Variants in CSMD1 observed in about 807,000 individuals in gnomAD.
CSMD1 encodes the protein CUB and Sushi multiple domains 1, also known as CUB and sushi domain-containing protein 1.
A neutral mutation model predicts 417.5 loss-of-function variants in CSMD1; 213 were observed. That is an observed-to-expected ratio of 0.51 (90% confidence interval 0.46 to 0.57). The LOEUF is 0.57. Among genes scored for constraint, CSMD1 ranks in the 20% least tolerant of loss-of-function variants. The pLI, the probability that CSMD1 is intolerant of heterozygous loss-of-function variation, is 0.00. For missense variants in CSMD1, 6,923 were observed against 4,529.7 expected, an observed-to-expected ratio of 1.53 and a Z score of -15.17; for synonymous variants, 2,862 against 1,736.8, an observed-to-expected ratio of 1.65 and a Z score of -16.11.
At chr8:3,789,090 G>T (rs980451296) in intron 5 of CSMD1, among the ~76,000 whole-genome samples, 1 of 152,148 alleles carries the variant, frequency 6.6e-6, no homozygotes, top group Admixed American at 6.5e-5. Context: ...ACCAACATGG[G>T]GGGATTAGGT....
chr8:4,963,053 C>G (rs1809611607), intron 1 of CSMD1, among the ~76,000 whole-genome samples: 1 of 152,156 alleles, frequency 6.6e-6, no homozygotes, highest in African/African-American at 2.4e-5. Context: ...CTGCATGGAA[C>G]TGCACCCAGG....
intron 2 of CSMD1, among the ~76,000 whole-genome samples, chr8:4,584,678 G>C (rs900464922): frequency 7.9e-5 from 12 of 152,190 alleles, no homozygotes; most frequent in African/African-American, 2.6e-4. Flanking sequence ...ACTCTCAAAA[G>C]CATGTCGCCC....
At chr8:2,956,397 T>C (rs890443449) in intron 63 of CSMD1, among the ~76,000 whole-genome samples, 1 of 152,000 alleles carries the variant, frequency 6.6e-6, no homozygotes, top group Non-Finnish European at 1.5e-5. Flanking sequence ...ATGCTGCAAA[T>C]AAAGGATTGA....
At chr8:3,898,994 G>C (rs555570888) in intron 5 of CSMD1, among the ~76,000 whole-genome samples, 76 of 152,248 alleles carry the variant, frequency 5.0e-4, no homozygotes, top group African/African-American at 1.8e-3. Context: ...ATATTTCAGT[G>C]CTAAAATATG....
At chr8:3,768,990 C>G (rs551365149) in intron 5 of CSMD1, among the ~76,000 whole-genome samples, 1 of 152,362 alleles carries the variant, frequency 6.6e-6, no homozygotes, top group South Asian at 2.1e-4. Context: ...GATTCCCGCA[C>G]AGCAGGCCCA....
At chr8:4,739,213 G>C (rs537214000) in intron 1 of CSMD1, among the ~76,000 whole-genome samples, 1 of 152,214 alleles carries the variant, frequency 6.6e-6, no homozygotes, top group South Asian at 2.1e-4. Context: ...ATCTATTAAA[G>C]CAATCCTATG....
intron 1 of CSMD1, among the ~76,000 whole-genome samples, chr8:4,962,144 C>A (rs1308540790): frequency 6.7e-6 from 1 of 148,514 alleles, no homozygotes; most frequent in African/African-American, 2.5e-5. Context: ...GCTTTTACAA[C>A]TATCCAGTGA....
intron 1 of CSMD1, among the ~76,000 whole-genome samples, chr8:4,828,633 G>A (rs908758610): frequency 4.6e-5 from 7 of 152,216 alleles, no homozygotes; most frequent in Middle Eastern, 3.4e-3. Flanking sequence ...CTTTAAAACT[G>A]AGAACGTTAC....
intron 8 of CSMD1, among the ~76,000 whole-genome samples, chr8:3,598,793 T>C (rs897025266): frequency 8.5e-5 from 13 of 152,066 alleles, no homozygotes; most frequent in African/African-American, 2.9e-4. Context: ...ACAGAAAAGC[T>C]GAAATTGGGC....
At chr8:4,181,472 T>TA in intron 3 of CSMD1, among the ~76,000 whole-genome samples, 1 of 152,100 alleles carries the variant, frequency 6.6e-6, no homozygotes, top group South Asian at 2.1e-4. Flanking sequence ...GAAAATACAC[T>TA]AACACTAACG....
At chr8:3,491,299 T>A (rs1177592292) in intron 11 of CSMD1, among the ~76,000 whole-genome samples, 1 of 152,160 alleles carries the variant, frequency 6.6e-6, no homozygotes, top group African/African-American at 2.4e-5. Context: ...CTGGGGTAAA[T>A]CCTTTAACCT....
chr8:4,821,358 T>C (rs1799513933), intron 1 of CSMD1, among the ~76,000 whole-genome samples: 1 of 152,150 alleles, frequency 6.6e-6, no homozygotes, highest in African/African-American at 2.4e-5. Context: ...AATAGTTAAA[T>C]AGCTCCAAAG....
intron 54 of CSMD1, among the ~76,000 whole-genome samples, chr8:2,983,625 G>A (rs568560468): frequency 6.6e-6 from 1 of 152,242 alleles, no homozygotes; most frequent in Non-Finnish European, 1.5e-5. Context: ...TCCAAAATTT[G>A]GCAAAAAATT....
At chr8:3,985,318 CAT>C (rs1814236235) in intron 5 of CSMD1, among the ~76,000 whole-genome samples, 1 of 152,174 alleles carries the variant, frequency 6.6e-6, no homozygotes, top group Non-Finnish European at 1.5e-5. Context: ...TTAAAGCAGG[CAT>C]ATATGTTTTC....
rs549511320 is a variant in CSMD1 at position 4,645,444 on chromosome 8, C to CAAAAAAAAAAAAAA, written c.86-7900_86-7887dup. Among the ~76,000 whole-genome samples, 12 of 36,850 alleles carry CAAAAAAAAAAAAAA rather than the reference C, an allele frequency of 3.3e-4. 3 individuals carry two copies. Among genetic ancestry groups the CAAAAAAAAAAAAAA allele is most frequent in the Admixed American group, 2.2e-3 (4 of 1,826 alleles). The allele number at this position is 36,850 out of a possible 152,430, so 24.2% of individuals were successfully genotyped here. A position where few individuals can be genotyped will look rare whatever the true frequency, so the allele number is the denominator to read the frequency against. On this transcript the variant is annotated intron_variant, in intron 1 of 69. Transcript: ENST00000635120. Reference sequence around the variant, plus strand: ...CAAGACAGCAGGTGTAGTGCAGGGGCAAAAAAAAAAAAAAAAAAAAAAAGG... The same window carrying CAAAAAAAAAAAAAA: ...CAAGACAGCAGGTGTAGTGCAGGGGCAAAAAAAAAAAAAAAAAAAAAAAAAAAAAAAAAAAAAGG...
intron 1 of CSMD1, among the ~76,000 whole-genome samples, chr8:4,826,171 A>C (rs1799814231): frequency 6.6e-6 from 1 of 152,110 alleles, no homozygotes; most frequent in African/African-American, 2.4e-5. Context: ...GATCTTGTAG[A>C]GACATGAGTA....
intron 9 of CSMD1, among the ~76,000 whole-genome samples, chr8:3,584,083 G>C (rs1181492558): frequency 1.3e-5 from 2 of 152,006 alleles, no homozygotes. Flanking sequence ...AAAAAATTAA[G>C]TTTATTACTT....
chr8:4,244,934 C>T (rs542846608), intron 3 of CSMD1, among the ~76,000 whole-genome samples: 18 of 152,234 alleles, frequency 1.2e-4, no homozygotes, highest in Admixed American at 9.2e-4. Context: ...TTGTCATCAC[C>T]ATTGCTTGAA....
chr8:3,778,249 C>G (rs1476773947), intron 5 of CSMD1, among the ~76,000 whole-genome samples: 1 of 152,230 alleles, frequency 6.6e-6, no homozygotes, highest in African/African-American at 2.4e-5. Context: ...TCTGCTCTGA[C>G]ATTTGCTATC....
Sources: gnomAD v4.1 joint callset for allele counts (sites outside exome capture counted in the v4.1 genomes callset) on GRCh38, gnomAD v4.1.1 for gene constraint, MANE v1.5 for transcripts, NCBI Gene and HGNC (gene_info 2026-07-23, HGNC 2026-07-21) for gene names.